Variants in CCDC150 observed in about 807,000 individuals in gnomAD.
CCDC150 encodes coiled-coil domain containing 150, also known as coiled-coil domain-containing protein 150.
CCDC150 carries 151 observed loss-of-function variants against 156.5 expected under a neutral mutation model. The observed-to-expected ratio is 0.97, with a 90% confidence interval of 0.85 to 1.10. The LOEUF (loss-of-function observed/expected upper bound fraction) is 1.10. Among genes scored for constraint, CCDC150 ranks in the 50% least tolerant of loss-of-function variants. CCDC150 has a pLI of 0.00. For synonymous variants in CCDC150, 452 were observed against 429.4 expected, an observed-to-expected ratio of 1.05 and a Z score of -0.65; for missense variants, 1,312 against 1,268.1, an observed-to-expected ratio of 1.03 and a Z score of -0.53.
chr2:196,673,403 C>T, intron 9 of CCDC150, among the ~76,000 whole-genome samples: 1 of 152,118 alleles, frequency 6.6e-6, no homozygotes, highest in East Asian at 1.9e-4. Flanking sequence ...CTGTTTCGTC[C>T]CCAGGTATTC....
intron 9 of CCDC150, among the ~76,000 whole-genome samples, chr2:196,673,449 A>G (rs1694322157): frequency 6.6e-6 from 1 of 152,134 alleles, no homozygotes; most frequent in Non-Finnish European, 1.5e-5. Flanking sequence ...ATCTGGTGTG[A>G]CTTTAAGCCC....
chr2:196,655,582 A>G (rs1693142191), intron 2 of CCDC150, among the ~76,000 whole-genome samples: 1 of 152,188 alleles, frequency 6.6e-6, no homozygotes, highest in African/African-American at 2.4e-5. Flanking sequence ...AAGAATGTAC[A>G]AAGAAATCCT....
rs977069133 is a variant in CCDC150, at chr2:196,697,459, C to T, written c.1623+2300C>T. Among the ~76,000 whole-genome samples the T allele has an allele frequency of 2.0e-5, 3 of 152,148 alleles. 1 individual carries two copies. The highest frequency in any genetic ancestry group is 7.2e-5 in the African/African-American group (3 of 41,454). On this transcript the variant is annotated intron_variant, in intron 14 of 27. Coordinates refer to ENST00000389175, the MANE Select transcript of CCDC150 (RefSeq NM_001080539.2). ...TCAGTTTGAATGATTTTCCTCCCCA[C>T]TTCTCTTTTGGGGTTTAAACATATA...
Position 196,669,829 on chromosome 2 carries a change from T to A in CCDC150, c.893-4T>A, listed in dbSNP as rs766384076. 1 of 1,603,152 alleles carries A rather than the reference T, an allele frequency of 6.2e-7. No homozygotes were observed. The highest frequency in any genetic ancestry group is 8.5e-7 in the Non-Finnish European group (1 of 1,173,166). On this transcript the variant is annotated splice_region_variant and splice_polypyrimidine_tract_variant and intron_variant, in intron 7 of 27. Transcript: ENST00000389175. The stretch of plus-strand genomic sequence containing the variant: ...TCATAGTTATGTGGAATTTTTGTTT[T>A]TAGCTTCTAGAGATGACCTCATTTC...
chr2:196,641,035 T>A (rs550283798), intron 1 of CCDC150, among the ~76,000 whole-genome samples: 25 of 152,298 alleles, frequency 1.6e-4, no homozygotes, highest in Admixed American at 1.1e-3. Context: ...CAGTCTCAGC[T>A]CACTGCAAGC....
intron 6 of CCDC150, among the ~76,000 whole-genome samples, chr2:196,666,288 C>T (rs1482028252): frequency 2.0e-5 from 3 of 152,150 alleles, no homozygotes; most frequent in Non-Finnish European, 2.9e-5. Flanking sequence ...AATTGGATGA[C>T]ATAATCTTTA....
intron 1 of CCDC150, among the ~76,000 whole-genome samples, chr2:196,643,692 T>C (rs1249565136): frequency 6.6e-6 from 1 of 152,236 alleles, no homozygotes; most frequent in African/African-American, 2.4e-5. Context: ...GCTTGGCTTC[T>C]GATATAAATG....
intron 1 of CCDC150, among the ~76,000 whole-genome samples, chr2:196,641,129 A>AT (rs920518713): frequency 1.9e-4 from 27 of 142,666 alleles, no homozygotes; most frequent in Admixed American, 5.7e-4. Context: ...CGCCCGGCTA[A>AT]TTTTTTTTTT....
At chr2:196,718,312 T>C (rs1057512259) in intron 17 of CCDC150, 191 bp from the exon 18 acceptor site, 14 of 362,070 alleles carry the variant, frequency 3.9e-5, no homozygotes, top group African/African-American at 2.7e-4. Context: ...GTATTGGATT[T>C]GTCTATGTTT....
intron 25 of CCDC150, among the ~76,000 whole-genome samples, chr2:196,730,629 G>A (rs899492613): frequency 1.3e-5 from 2 of 152,172 alleles, no homozygotes; most frequent in East Asian, 3.8e-4. Context: ...GTCCTCAACA[G>A]ACTCCATAAA....
chr2:196,669,923 A>T, intron 8 of CCDC150, 47 bp downstream of exon 8: 1 of 1,373,778 alleles, frequency 7.3e-7, no homozygotes, highest in Non-Finnish European at 1.0e-6. Context: ...TCCTCTCTTC[A>T]CTAAGTCCTA....
chr2:196,682,580 T>C (rs1694903728), intron 13 of CCDC150, among the ~76,000 whole-genome samples: 1 of 152,068 alleles, frequency 6.6e-6, no homozygotes, highest in South Asian at 2.1e-4. Flanking sequence ...ATAATACAAT[T>C]TGTTGTATAT....
chr2:196,711,505 A>G (rs1198894556), intron 15 of CCDC150, among the ~76,000 whole-genome samples: 1 of 152,224 alleles, frequency 6.6e-6, no homozygotes, highest in Non-Finnish European at 1.5e-5. Flanking sequence ...GATAAGAGGA[A>G]GCAAATATGG....
rs557703092 is a variant in CCDC150, at chr2:196,713,451, C to T, written c.1866+712C>T. On this transcript the variant is annotated intron_variant, in intron 17 of 27. Transcript: ENST00000389175. ...CATGTAAACAGTATAAAGGAAAGAA[C>T]GTCATCAGTTGGTTTGCCTAGTGTT... 166 of 1,550,850 alleles carry T rather than the reference C, an allele frequency of 1.1e-4. 1 individual carries two copies. In the East Asian group the frequency reaches 1.4e-3, roughly 13 times the overall value.
intron 14 of CCDC150, among the ~76,000 whole-genome samples, chr2:196,699,203 G>A (rs1439076813): frequency 1.3e-5 from 2 of 152,124 alleles, no homozygotes; most frequent in African/African-American, 2.4e-5. Flanking sequence ...TGGTCTAAAT[G>A]CTTTTTAAAA....
At chr2:196,726,362 G>T in intron 22 of CCDC150, 2 of 301,228 alleles carry the variant, frequency 6.6e-6, no homozygotes, top group East Asian at 6.5e-5. Flanking sequence ...TAAGGAGACT[G>T]CCATTTGATA....
chr2:196,679,680 A>T (rs1694705249), intron 13 of CCDC150, among the ~76,000 whole-genome samples: 1 of 152,240 alleles, frequency 6.6e-6, no homozygotes, highest in African/African-American at 2.4e-5. Flanking sequence ...TTAGCATAAT[A>T]ACAAACTGCT....
At chr2:196,644,960 C>CA (rs34647446) in intron 1 of CCDC150, among the ~76,000 whole-genome samples, 107,015 of 144,316 alleles carry the variant, frequency 0.74, 39,497 homozygotes, top group East Asian at 0.96. Context: ...ACTAAAAATA[C>CA]AAAAAAAAAA....
intron 5 of CCDC150, among the ~76,000 whole-genome samples, chr2:196,662,779 AAAG>A (rs1313959330): frequency 2.6e-5 from 4 of 151,880 alleles, no homozygotes; most frequent in African/African-American, 9.7e-5. Context: ...AAAAAAGAAA[AAAG>A]AAAAAAAGCC....
Sources: gnomAD v4.1 joint callset for allele counts (sites outside exome capture counted in the v4.1 genomes callset) on GRCh38, gnomAD v4.1.1 for gene constraint, MANE v1.5 for transcripts, NCBI Gene and HGNC (gene_info 2026-07-23, HGNC 2026-07-21) for gene names.